The following OPN5 variants were observed in gnomAD, a reference collection of about 807,000 sequenced individuals.
OPN5 encodes the protein opsin 5, also known as opsin-5.
Under a neutral mutation model 41.7 loss-of-function variants are expected in OPN5, and 18 were observed. That is an observed-to-expected ratio of 0.43 (90% confidence interval 0.30 to 0.64). OPN5 has a LOEUF of 0.64. Ranked by LOEUF, OPN5 falls within the 30% of genes least tolerant of loss-of-function variation. The pLI is 0.13. For synonymous variants in OPN5, 178 were observed against 164.3 expected (o/e 1.08, Z -0.64); for missense variants, 318 against 434.5 (o/e 0.73, Z 2.38).
At chr6:47,786,620 A>G in exon 2 of OPN5, 4 of 1,613,608 alleles carry the variant, frequency 2.5e-6, no homozygotes, top group Non-Finnish European at 3.4e-6. Flanking sequence ...GCAGTCTGTG[A>G]TCTGGGGATT....
chr6:47,816,816 G>T (rs1762440937), intron 6 of OPN5, among the ~76,000 whole-genome samples: 1 of 152,064 alleles, frequency 6.6e-6, no homozygotes, highest in South Asian at 2.1e-4. Context: ...AGATTCTCAG[G>T]ACAGTTCTGG....
chr6:47,817,342 A>G (rs1226616992), intron 6 of OPN5, among the ~76,000 whole-genome samples: 1 of 152,140 alleles, frequency 6.6e-6, no homozygotes, highest in African/African-American at 2.4e-5. Context: ...AGAAATTCTC[A>G]TTGAGGTTCA....
rs1389298718 is a variant in OPN5, at chr6:47,819,354, A to ATATATATATATATATAAAT, written c.1057-4629_1057-4628insTATATATATATATATAAAT. Among the ~76,000 whole-genome samples, 19 of 59,040 alleles carry ATATATATATATATATAAAT rather than the reference A, an allele frequency of 3.2e-4. 3 individuals are homozygous for ATATATATATATATATAAAT. The highest frequency in any genetic ancestry group is 8.9e-4 in the African/African-American group (18 of 20,184). The allele number at this position is 59,040 out of a possible 152,430, so 38.7% of individuals were successfully genotyped here. A position where few individuals can be genotyped will look rare whatever the true frequency, so the allele number is the denominator to read the frequency against. On this transcript the variant is annotated intron_variant, in intron 6 of 6. Transcript: ENST00000371211. ...AATTAGGAATATATATATATATATA[A>ATATATATATATATATAAAT]AAAATATATTACCGTATAAGTAGAA...
At chr6:47,809,223 G>A (rs1774095286) in intron 5 of OPN5, among the ~76,000 whole-genome samples, 1 of 152,118 alleles carries the variant, frequency 6.6e-6, no homozygotes. Flanking sequence ...CTGAGGTGAG[G>A]GGTGTTGAGA....
chr6:47,786,785 A>T, intron 2 of OPN5, 151 bp downstream of exon 2: 1 of 692,996 alleles, frequency 1.4e-6, no homozygotes, highest in East Asian at 2.6e-5. Context: ...GTTTTGTGGT[A>T]AGTCAATGGG....
At chr6:47,801,373 C>G (rs569667537) in intron 4 of OPN5, among the ~76,000 whole-genome samples, 3 of 152,294 alleles carry the variant, frequency 2.0e-5, no homozygotes, top group African/African-American at 7.2e-5. Flanking sequence ...CTTCACTTTG[C>G]TCTTTTACAT....
intron 2 of OPN5, 52 bp from the exon 3 acceptor site, chr6:47,791,750 G>A (rs1245181052): frequency 1.3e-6 from 2 of 1,557,208 alleles, no homozygotes; most frequent in African/African-American, 1.4e-5. Context: ...TGAGGTAGGT[G>A]GGGAAATAGT....
intron 3 of OPN5, among the ~76,000 whole-genome samples, chr6:47,792,365 C>T (rs779806458): frequency 1.8e-4 from 28 of 152,342 alleles, no homozygotes; most frequent in Non-Finnish European, 2.6e-4. Flanking sequence ...GTTTAAGATT[C>T]TCCCTTAGGA....
At chr6:47,817,825 G>A (rs1044442093) in intron 6 of OPN5, among the ~76,000 whole-genome samples, 2 of 152,148 alleles carry the variant, frequency 1.3e-5, no homozygotes, top group Non-Finnish European at 2.9e-5. Flanking sequence ...CTGGGGATCT[G>A]TGAGCGGGAC....
At chr6:47,818,314 T>C in intron 6 of OPN5, among the ~76,000 whole-genome samples, 1 of 152,146 alleles carries the variant, frequency 6.6e-6, no homozygotes, top group East Asian at 1.9e-4. Context: ...TGACATTCCA[T>C]CCATGTAGAA....
chr6:47,799,902 T>A (rs1773706104), intron 4 of OPN5, among the ~76,000 whole-genome samples: 1 of 152,206 alleles, frequency 6.6e-6, no homozygotes, highest in African/African-American at 2.4e-5. Context: ...GTAATCTTAA[T>A]GCCCTGAGTC....
chr6:47,795,261 T>C, exon 4 of OPN5: 2 of 1,607,926 alleles, frequency 1.2e-6, no homozygotes, highest in Non-Finnish European at 1.7e-6. Flanking sequence ...CGCCTACATC[T>C]GCCTGGCAGC....
chr6:47,797,524 C>T (rs578015621), intron 4 of OPN5, among the ~76,000 whole-genome samples: 1 of 152,032 alleles, frequency 6.6e-6, no homozygotes, highest in Non-Finnish European at 1.5e-5. Flanking sequence ...TACTTTGTAC[C>T]AGGTACTATT....
intron 2 of OPN5, 43 bp downstream of exon 2, chr6:47,786,677 TC>T: frequency 6.3e-7 from 1 of 1,587,218 alleles, no homozygotes. Context: ...TTTAAACTAC[TC>T]CCCATTCTAA....
chr6:47,812,660 C>A (rs1381536656), intron 6 of OPN5, among the ~76,000 whole-genome samples: 3 of 152,122 alleles, frequency 2.0e-5, no homozygotes, highest in African/African-American at 7.2e-5. Context: ...TGTCTATTAT[C>A]TTTTCTCCTA....
intron 4 of OPN5, among the ~76,000 whole-genome samples, chr6:47,795,858 A>C (rs1484551869): frequency 6.6e-6 from 1 of 151,842 alleles, no homozygotes; most frequent in Non-Finnish European, 1.5e-5. Flanking sequence ...TTTGGGGCTT[A>C]TCTGCTCTGC....
At position 47,809,836 on chromosome 6, in the gene OPN5, T is replaced by C. The variant is rs1006343795; in HGVS notation, c.998+1441T>C. ...ATTGATATTTTGTTATAAATGCAGA[T>C]AGAGAGAATAATTTTAATAGAGCAG... On this transcript the variant is annotated intron_variant, in intron 5 of 6. Coordinates refer to ENST00000371211, the Ensembl canonical transcript of OPN5. Among the ~76,000 whole-genome samples, 14 of 152,332 alleles carry C rather than the reference T, an allele frequency of 9.2e-5. No individual in the cohort carries two copies. The South Asian group carries it at 1.9e-3, about 20-fold the overall frequency.
At chr6:47,795,252 G>A (rs767845016) in exon 4 of OPN5, 8 of 1,604,786 alleles carry the variant, frequency 5.0e-6, no homozygotes, top group Middle Eastern at 1.7e-4. Context: ...AAGAAAGCAC[G>A]CCTACATCTG....
At chr6:47,805,899 C>A (rs1022955474) in intron 4 of OPN5, among the ~76,000 whole-genome samples, 1 of 152,154 alleles carries the variant, frequency 6.6e-6, no homozygotes. Context: ...TAGCTCCATC[C>A]TTACTCAGAG....
Sources: gnomAD v4.1 joint callset for allele counts (sites outside exome capture counted in the v4.1 genomes callset) on GRCh38, gnomAD v4.1.1 for gene constraint, MANE v1.5 for transcripts, NCBI Gene and HGNC (gene_info 2026-07-23, HGNC 2026-07-21) for gene names.